The following GPC5 variants were observed in gnomAD, a reference collection of about 807,000 sequenced individuals.
GPC5 encodes glypican 5.
GPC5 carries 47 observed loss-of-function variants against 53.9 expected under a neutral mutation model. That is an observed-to-expected ratio of 0.87 (90% CI 0.69 to 1.11). The LOEUF (loss-of-function observed/expected upper bound fraction) is 1.11, where lower values mean the gene tolerates loss of function less well. GPC5 is among the 50% of genes most tolerant of loss of function. The pLI is 0.00. For synonymous variants in GPC5, 286 were observed against 263.3 expected (o/e 1.09, Z -0.84); for missense variants, 748 against 713.1 (o/e 1.05, Z -0.56).
chr13:92,450,821 C>T (rs879776216), intron 7 of GPC5, among the ~76,000 whole-genome samples: 14 of 152,240 alleles, frequency 9.2e-5, no homozygotes, highest in South Asian at 6.2e-4. Context: ...CAACCTGTAG[C>T]GGTCACCAGA....
Position 92,807,188 on chromosome 13 carries a change from T to G in GPC5, c.1562-59094T>G, listed in dbSNP as rs556220485. Among the ~76,000 whole-genome samples the G allele has an allele frequency of 3.9e-5, 6 of 152,216 alleles. No individual in the cohort carries two copies. In the East Asian group the frequency reaches 1.2e-3, roughly 30 times the overall value. On this transcript the variant is annotated intron_variant, in intron 7 of 7. Transcript: ENST00000377067. ...CTATTATACTTTTATATTTACAATA[T>G]CATCATTGTTTAACTTTGTGCAACA...
intron 7 of GPC5, among the ~76,000 whole-genome samples, chr13:92,262,544 C>T (rs2042774095): frequency 6.6e-6 from 1 of 152,068 alleles, no homozygotes; most frequent in African/African-American, 2.4e-5. Context: ...AGCATTAATG[C>T]CATGCATTTG....
intron 7 of GPC5, among the ~76,000 whole-genome samples, chr13:92,654,784 C>T (rs780935014): frequency 6.6e-6 from 1 of 151,828 alleles, no homozygotes; most frequent in Non-Finnish European, 1.5e-5. Context: ...AAATGTATCC[C>T]CCCAAATTTC....
At chr13:92,365,645 T>C (rs1438656629) in intron 7 of GPC5, among the ~76,000 whole-genome samples, 1 of 151,624 alleles carries the variant, frequency 6.6e-6, no homozygotes, top group East Asian at 1.9e-4. Flanking sequence ...CTTTTTACTA[T>C]TTTTAAATTT....
chr13:92,289,529 A>G (rs2042979341), intron 7 of GPC5, among the ~76,000 whole-genome samples: 1 of 152,038 alleles, frequency 6.6e-6, no homozygotes, highest in South Asian at 2.1e-4. Flanking sequence ...ATTCTGTGAA[A>G]ACATTTTATT....
At chr13:92,693,937 G>A (rs1450672427) in intron 7 of GPC5, among the ~76,000 whole-genome samples, 2 of 152,158 alleles carry the variant, frequency 1.3e-5, no homozygotes, top group African/African-American at 4.8e-5. Context: ...TGATTTCATG[G>A]GTCAGGCCCA....
At chr13:91,486,152 T>G (rs1883596518) in intron 2 of GPC5, 1 of 152,266 alleles carries the variant, frequency 6.6e-6, no homozygotes, top group South Asian at 2.1e-4. Context: ...CAGTTTCCTA[T>G]CTTTGTATAG....
intron 5 of GPC5, among the ~76,000 whole-genome samples, chr13:91,864,309 T>C (rs1318241114): frequency 6.6e-6 from 1 of 152,242 alleles, no homozygotes; most frequent in East Asian, 1.9e-4. Context: ...TAAATTCACA[T>C]GTAAATAAGG....
Position 92,064,914 on chromosome 13 carries a change from C to CTTT in GPC5, c.1402-79911_1402-79909dup, listed in dbSNP as rs34798034. Among the ~76,000 whole-genome samples, 266 of 151,756 alleles carry CTTT rather than the reference C, an allele frequency of 1.8e-3. 2 individuals carry two copies. Among genetic ancestry groups the CTTT allele is most frequent in the African/African-American group, 5.4e-3 (225 of 41,430 alleles). ...GTGTTTACCACCGATTTAAATAATCCTTTTTTTATGCAGAGAGCATGAAAA... is the reference window on the plus strand; with the variant it reads ...GTGTTTACCACCGATTTAAATAATCCTTTTTTTTTTATGCAGAGAGCATGAAAA... On this transcript the variant is annotated intron_variant, in intron 6 of 7. Coordinates refer to ENST00000377067, the MANE Select transcript of GPC5 (RefSeq NM_004466.6).
chr13:91,923,236 A>G (rs1379379438), intron 6 of GPC5, among the ~76,000 whole-genome samples: 3 of 152,204 alleles, frequency 2.0e-5, no homozygotes. Flanking sequence ...ATATGAGTCC[A>G]TAATGTTTTG....
intron 7 of GPC5, among the ~76,000 whole-genome samples, chr13:92,805,739 G>A (rs981602819): frequency 6.6e-5 from 10 of 151,942 alleles, no homozygotes; most frequent in African/African-American, 2.4e-4. Flanking sequence ...TGCCCATCCA[G>A]GATCTTTTTT....
rs542597591 is a variant in GPC5, at chr13:91,747,951, G to T, written c.1155-8344G>T. ...ATAAGAGGGTTGGACTAAGTCACTG[G>T]TTCTCAAACATGGTTGCACATTAGG... On this transcript the variant is annotated intron_variant, in intron 4 of 7. Transcript: ENST00000377067. Among the ~76,000 whole-genome samples, 19 of 152,222 alleles carry T rather than the reference G, an allele frequency of 1.2e-4. No homozygotes were observed. The South Asian group carries it at 3.5e-3, about 28-fold the overall frequency.
chr13:92,030,434 C>A (rs574540291), intron 6 of GPC5, among the ~76,000 whole-genome samples: 17 of 152,084 alleles, frequency 1.1e-4, no homozygotes, highest in Non-Finnish European at 1.9e-4. Context: ...AGATCTTACG[C>A]CCTTCTTAAT....
intron 6 of GPC5, among the ~76,000 whole-genome samples, chr13:91,929,817 T>G (rs1185432659): frequency 6.6e-6 from 1 of 152,064 alleles, no homozygotes; most frequent in Non-Finnish European, 1.5e-5. Flanking sequence ...TTTCTATTTT[T>G]TTTTTATTTA....
chr13:92,536,455 A>G (rs1447509416), intron 7 of GPC5, among the ~76,000 whole-genome samples: 3 of 152,164 alleles, frequency 2.0e-5, no homozygotes, highest in Non-Finnish European at 4.4e-5. Context: ...ATATTCAGAG[A>G]TAGGCCCTCT....
At chr13:92,381,925 T>C (rs2043750147) in intron 7 of GPC5, among the ~76,000 whole-genome samples, 1 of 136,676 alleles carries the variant, frequency 7.3e-6, no homozygotes, top group South Asian at 2.2e-4. Context: ...TATAATCATA[T>C]ATATGATTAT....
intron 2 of GPC5, among the ~76,000 whole-genome samples, chr13:91,639,535 A>C (rs1378758029): frequency 6.6e-6 from 1 of 152,176 alleles, no homozygotes; most frequent in East Asian, 1.9e-4. Context: ...TGTTGCTCTA[A>C]ATATCTTCCC....
At chr13:92,665,668 C>T (rs1212501791) in intron 7 of GPC5, among the ~76,000 whole-genome samples, 1 of 152,104 alleles carries the variant, frequency 6.6e-6, no homozygotes. Flanking sequence ...TAAAAGGATG[C>T]TTTCTCAAGC....
chr13:92,355,034 C>T (rs1366220017), intron 7 of GPC5, among the ~76,000 whole-genome samples: 2 of 150,940 alleles, frequency 1.3e-5, no homozygotes, highest in African/African-American at 2.4e-5. Flanking sequence ...TAATAATCTG[C>T]ATAATATGCA....
Sources: gnomAD v4.1 joint callset for allele counts (sites outside exome capture counted in the v4.1 genomes callset) on GRCh38, gnomAD v4.1.1 for gene constraint, MANE v1.5 for transcripts, NCBI Gene and HGNC (gene_info 2026-07-23, HGNC 2026-07-21) for gene names.